The following YTHDC2 variants were observed in gnomAD, a reference collection of about 807,000 sequenced individuals.
YTHDC2 encodes the protein 3'-5' RNA helicase YTHDC2.
Under a neutral mutation model 174.9 loss-of-function variants are expected in YTHDC2, and 45 were observed. The observed-to-expected ratio is 0.26, with a 90% CI of 0.20 to 0.33. The LOEUF is 0.33. Ranked by LOEUF, YTHDC2 falls within the 10% of genes least tolerant of loss-of-function variation. The probability of loss-of-function intolerance (pLI) is 1.00; values close to 1 mark genes in which losing one functional copy is unlikely to be tolerated. For synonymous variants in YTHDC2, 657 were observed against 574.5 expected (o/e 1.14, Z -2.05); for missense variants, 1,650 against 1,723.7 (o/e 0.96, Z 0.76).
At chr5:113,568,292 A>ATATTTTT (rs940774370) in intron 23 of YTHDC2, among the ~76,000 whole-genome samples, 1 of 152,238 alleles carries the variant, frequency 6.6e-6, no homozygotes, top group Non-Finnish European at 1.5e-5. Context: ...GATATCAAAA[A>ATATTTTT]TATTTTTAGT....
At chr5:113,542,102 A>G (rs1298018468) in intron 9 of YTHDC2, among the ~76,000 whole-genome samples, 1 of 152,192 alleles carries the variant, frequency 6.6e-6, no homozygotes, top group Admixed American at 6.5e-5. Flanking sequence ...ATTTAACAAC[A>G]TCATATTGGA....
intron 9 of YTHDC2, 39 bp downstream of exon 9, chr5:113,541,155 A>T: frequency 6.2e-7 from 1 of 1,612,268 alleles, no homozygotes; most frequent in East Asian, 2.2e-5. Flanking sequence ...TTTTGTGTGA[A>T]AATTGTGTAG....
In YTHDC2 at chr5:113,561,056, CTAAT is replaced by C; in HGVS notation, c.2217-23_2217-20del. 1.3e-6 allele frequency: 2 copies of C among 1,573,414 alleles called. No homozygotes were observed. The highest frequency in any genetic ancestry group is 2.4e-5 in the South Asian group (2 of 83,342). The stretch of plus-strand genomic sequence containing the variant: ...GTAGCCTTTATTCGTTGTTTGAGTC[CTAAT>C]CTTGTACTTTATTTTTAAGGGCAGG... On this transcript the variant is annotated intron_variant, in intron 17 of 29. Coordinates refer to ENST00000161863, the MANE Select transcript of YTHDC2 (RefSeq NM_022828.5).
chr5:113,518,555 TCGTGTG>T (rs1022501008), intron 2 of YTHDC2, among the ~76,000 whole-genome samples: 1 of 111,328 alleles, frequency 9.0e-6, no homozygotes, highest in African/African-American at 3.2e-5. Context: ...AAGTTAGTTT[TCGTGTG>T]TGTGTGTGTG....
chr5:113,524,344 C>T (rs549442719), intron 2 of YTHDC2, among the ~76,000 whole-genome samples: 1 of 152,216 alleles, frequency 6.6e-6, no homozygotes, highest in South Asian at 2.1e-4. Flanking sequence ...GTTGAGGAAA[C>T]AATATACCTA....
chr5:113,525,262 A>G, intron 3 of YTHDC2, 85 bp downstream of exon 3: 2 of 1,090,122 alleles, frequency 1.8e-6, no homozygotes, highest in South Asian at 1.9e-5. Flanking sequence ...TTCGAAAACC[A>G]AGATGAAATA....
chr5:113,522,134 G>GTTT (rs371407386), intron 2 of YTHDC2, among the ~76,000 whole-genome samples: 13 of 106,390 alleles, frequency 1.2e-4, no homozygotes, highest in Admixed American at 2.7e-4. Flanking sequence ...TGTTTTTTTT[G>GTTT]TTTTTTGTTT....
At chr5:113,565,556 A>G (rs780253585) in intron 20 of YTHDC2, among the ~76,000 whole-genome samples, 8 of 152,168 alleles carry the variant, frequency 5.3e-5, no homozygotes, top group Non-Finnish European at 8.8e-5. Flanking sequence ...CGATTCTTAG[A>G]TATAAGTGTT....
chr5:113,534,169 C>G, intron 5 of YTHDC2, 136 bp from the exon 6 acceptor site: 1 of 559,762 alleles, frequency 1.8e-6, no homozygotes, highest in South Asian at 3.4e-5. Context: ...CATAGCTTTA[C>G]TAATAAACTG....
chr5:113,546,487 C>T (rs1775896697), intron 10 of YTHDC2, among the ~76,000 whole-genome samples: 1 of 152,186 alleles, frequency 6.6e-6, no homozygotes, highest in South Asian at 2.1e-4. Flanking sequence ...TGCACCAGAA[C>T]TGAAAATATG....
rs937179965 is a variant in YTHDC2, at chr5:113,521,693, T to C, written c.279-3288T>C. On this transcript the variant is annotated intron_variant, in intron 2 of 29. Transcript: ENST00000161863. ...TTGCAGTGAGCCGAGATCGTGCCACTGCACTCCAGCCTGGGTAGCAAAGCA... is the reference window on the plus strand; with the variant it reads ...TTGCAGTGAGCCGAGATCGTGCCACCGCACTCCAGCCTGGGTAGCAAAGCA... Among the ~76,000 whole-genome samples the C allele has an allele frequency of 2.0e-5, 3 of 147,838 alleles. No homozygotes were observed. The Admixed American group carries it at 2.0e-4, about 10-fold the overall frequency.
chr5:113,534,892 A>T (rs1471713740), intron 6 of YTHDC2, among the ~76,000 whole-genome samples: 1 of 152,148 alleles, frequency 6.6e-6, no homozygotes, highest in Non-Finnish European at 1.5e-5. Flanking sequence ...AGGAATTCTA[A>T]GCTTTTACCT....
chr5:113,548,856 A>T, intron 11 of YTHDC2, 99 bp from the exon 12 acceptor site: 1 of 1,237,938 alleles, frequency 8.1e-7, no homozygotes, highest in Non-Finnish European at 1.1e-6. Flanking sequence ...TTTATTTAAA[A>T]ATTTTTTTGA....
intron 17 of YTHDC2, among the ~76,000 whole-genome samples, chr5:113,559,231 A>G (rs1417763582): frequency 2.0e-5 from 3 of 152,040 alleles, no homozygotes; most frequent in Admixed American, 2.0e-4. Context: ...TGGAAAATGC[A>G]TCTTATGAAA....
chr5:113,593,174 T>G (rs1779096272), intron 28 of YTHDC2, 129 bp from the exon 29 acceptor site: 2 of 636,460 alleles, frequency 3.1e-6, no homozygotes, highest in East Asian at 2.8e-5. Context: ...ACCAGATGAT[T>G]TTAGCATACG....
In YTHDC2 at chr5:113,534,792, A is replaced by G. The variant is rs80063640; in HGVS notation, c.945+385A>G. On this transcript the variant is annotated intron_variant, in intron 6 of 29. Transcript: ENST00000161863. ...CTTCATTAATATCATATATTTCCCA[A>G]TGATAGGGGTATACTAATAAACTCC... Among the ~76,000 whole-genome samples the G allele has an allele frequency of 8.5e-3, 1,295 of 152,256 alleles. 20 individuals are homozygous for G. The highest frequency in any genetic ancestry group is 0.03 in the African/African-American group (1,243 of 41,546).
At chr5:113,514,144 C>G (rs988102490) in intron 1 of YTHDC2, 62 bp downstream of exon 1, 1 of 1,547,422 alleles carries the variant, frequency 6.5e-7, no homozygotes, top group South Asian at 1.2e-5. Context: ...CAGCGCCCCC[C>G]AAACGGCGGC....
At chr5:113,536,248 G>A (rs1306171335) in intron 7 of YTHDC2, among the ~76,000 whole-genome samples, 2 of 152,114 alleles carry the variant, frequency 1.3e-5, no homozygotes, top group Non-Finnish European at 1.5e-5. Context: ...AAGTTAGGCC[G>A]GGCGTGGGGG....
In YTHDC2 at chr5:113,590,598, C is replaced by T. The variant is rs112419357; in HGVS notation, c.3826-443C>T. ...CAGCTCCTTTCTGTCTAAGATAGTA[C>T]ATTGCCATGCACAGTAGCCACTTCG... On this transcript the variant is annotated intron_variant, in intron 26 of 29. Transcript: ENST00000161863. 7.8e-3 allele frequency among the ~76,000 whole-genome samples: 1,190 copies of T among 152,314 alleles called. 21 individuals are homozygous for T. The highest frequency in any genetic ancestry group is 0.026 in the African/African-American group (1,081 of 41,572).
Sources: gnomAD v4.1 joint callset for allele counts (sites outside exome capture counted in the v4.1 genomes callset) on GRCh38, gnomAD v4.1.1 for gene constraint, MANE v1.5 for transcripts, NCBI Gene and HGNC (gene_info 2026-07-23, HGNC 2026-07-21) for gene names.